RBMS1: variants seen among roughly 807,000 people sequenced by gnomAD.
The protein encoded by RBMS1 is RNA-binding motif, single-stranded-interacting protein 1.
In RBMS1, 17 loss-of-function variants were observed where a neutral mutation model predicts 62.3. That is an observed-to-expected ratio of 0.27 (90% CI 0.19 to 0.41). RBMS1 has a LOEUF of 0.41. Ranked by LOEUF, RBMS1 falls within the 10% of genes least tolerant of loss-of-function variation. The pLI, the probability that RBMS1 is intolerant of heterozygous loss-of-function variation, is 1.00. For missense variants in RBMS1, 334 were observed against 504.5 expected (o/e 0.66, Z 3.24); for synonymous variants, 172 against 170.0 (o/e 1.01, Z -0.09).
At chr2:160,408,792 G>C (rs572724487) in intron 1 of RBMS1, among the ~76,000 whole-genome samples, 71 of 152,306 alleles carry the variant, frequency 4.7e-4, no homozygotes, top group African/African-American at 1.5e-3. Flanking sequence ...CCTGTGCAGT[G>C]CAGAAGGCCT....
At chr2:160,388,062 T>TAGGA (rs1328769269) in intron 1 of RBMS1, among the ~76,000 whole-genome samples, 1 of 152,184 alleles carries the variant, frequency 6.6e-6, no homozygotes. Flanking sequence ...GCTGTTAGCT[T>TAGGA]TTCTGACGTC....
chr2:160,437,536 T>C (rs1683158726), intron 1 of RBMS1, among the ~76,000 whole-genome samples: 1 of 152,234 alleles, frequency 6.6e-6, no homozygotes, highest in African/African-American at 2.4e-5. Flanking sequence ...GAGTAACAGA[T>C]GTTAAAATAT....
intron 1 of RBMS1, among the ~76,000 whole-genome samples, chr2:160,465,402 C>T (rs1189606555): frequency 5.9e-5 from 9 of 152,166 alleles, no homozygotes; most frequent in Non-Finnish European, 1.3e-4. Flanking sequence ...TTGCTCCTGC[C>T]CAACTCAATC....
At chr2:160,465,512 TA>T (rs1684650786) in intron 1 of RBMS1, among the ~76,000 whole-genome samples, 1 of 152,148 alleles carries the variant, frequency 6.6e-6, no homozygotes, top group South Asian at 2.1e-4. Context: ...AAGTATCTCT[TA>T]CTCTCAGAGA....
chr2:160,327,641 A>G (rs897377314), intron 2 of RBMS1, among the ~76,000 whole-genome samples: 5 of 152,162 alleles, frequency 3.3e-5, no homozygotes, highest in African/African-American at 1.2e-4. Flanking sequence ...TCTTATGACA[A>G]TATTTTTACC....
intron 1 of RBMS1, among the ~76,000 whole-genome samples, chr2:160,384,026 T>A (rs1694434905): frequency 6.6e-6 from 1 of 152,072 alleles, no homozygotes; most frequent in Non-Finnish European, 1.5e-5. Flanking sequence ...TGAAACCCCG[T>A]CTCTACTAAA....
intron 7 of RBMS1, among the ~76,000 whole-genome samples, chr2:160,286,545 C>A (rs56029252): frequency 0.32 from 48,854 of 151,802 alleles, 8,121 homozygotes; most frequent in East Asian, 0.53. Context: ...ATCTCTAACT[C>A]CTGATCTCAG....
chr2:160,381,495 T>C (rs1469351550), intron 1 of RBMS1, among the ~76,000 whole-genome samples: 1 of 152,218 alleles, frequency 6.6e-6, no homozygotes, highest in African/African-American at 2.4e-5. Context: ...GGCATCAAGC[T>C]AAATGCATTC....
chr2:160,330,138 G>A (rs1691175109), intron 2 of RBMS1, among the ~76,000 whole-genome samples: 2 of 152,114 alleles, frequency 1.3e-5, no homozygotes, highest in Non-Finnish European at 2.9e-5. Context: ...GCTTAGGAAT[G>A]TTACATAATG....
At position 160,416,038 on chromosome 2, in the gene RBMS1, T is replaced by C. The variant is rs528282510; in HGVS notation, c.76-48647A>G. On this transcript the variant is annotated intron_variant, in intron 1 of 13. Transcript: ENST00000348849. ...AGTTAAGAGTACTGAAATAGGATAT[T>C]TAAGGAGTTTATAAAAATTCCCCAC... The C allele has an allele frequency of 2.7e-5, 4 of 150,596 alleles. No homozygotes were observed. In the South Asian group the frequency reaches 8.6e-4, roughly 32 times the overall value. The allele number at this position is 150,596 out of a possible 1,614,324, so 9.3% of individuals were successfully genotyped here. A position where few individuals can be genotyped will look rare whatever the true frequency, so the allele number is the denominator to read the frequency against.
chr2:160,345,825 G>A (rs1195497907), intron 2 of RBMS1, among the ~76,000 whole-genome samples: 1 of 152,108 alleles, frequency 6.6e-6, no homozygotes, highest in Non-Finnish European at 1.5e-5. Context: ...TGGGTGGTGA[G>A]TAGTGGGAAC....
intron 6 of RBMS1, among the ~76,000 whole-genome samples, chr2:160,298,305 G>A (rs981175669): frequency 1.3e-5 from 2 of 152,094 alleles, no homozygotes; most frequent in African/African-American, 4.8e-5. Context: ...TAGATGGGAA[G>A]TGAGGTAAGG....
At chr2:160,332,945 C>A (rs1379661496) in intron 2 of RBMS1, among the ~76,000 whole-genome samples, 2 of 151,316 alleles carry the variant, frequency 1.3e-5, no homozygotes, top group Non-Finnish European at 2.9e-5. Flanking sequence ...TTTATACAGA[C>A]ATACACATAC....
At chr2:160,287,241 A>T (rs1182835173) in intron 6 of RBMS1, among the ~76,000 whole-genome samples, 157 bp from the exon 7 acceptor site, 4 of 152,244 alleles carry the variant, frequency 2.6e-5, no homozygotes, top group African/African-American at 9.6e-5. Flanking sequence ...AAAACTGTCC[A>T]CGATGAAAAA....
intron 3 of RBMS1, among the ~76,000 whole-genome samples, chr2:160,316,734 A>T (rs1171717112): frequency 6.6e-6 from 1 of 152,094 alleles, no homozygotes; most frequent in East Asian, 1.9e-4. Context: ...TTTTTAACAC[A>T]CTGAGCCGAC....
intron 4 of RBMS1, among the ~76,000 whole-genome samples, chr2:160,311,232 C>CTATATCTATATATATA (rs1689865559): frequency 1.3e-5 from 1 of 79,252 alleles, no homozygotes; most frequent in African/African-American, 4.4e-5. Context: ...ATCTATCTAT[C>CTATATCTATATATATA]TATATATATA....
intron 1 of RBMS1, among the ~76,000 whole-genome samples, chr2:160,425,170 T>A (rs865919157): frequency 6.6e-6 from 1 of 152,186 alleles, no homozygotes; most frequent in South Asian, 2.1e-4. Flanking sequence ...AGCACTACTA[T>A]TTTTTATAAG....
intron 1 of RBMS1, among the ~76,000 whole-genome samples, chr2:160,417,982 C>T (rs780364189): frequency 2.0e-5 from 3 of 152,186 alleles, no homozygotes; most frequent in Non-Finnish European, 4.4e-5. Flanking sequence ...ACATCCATCA[C>T]AAAGGAACAA....
At chr2:160,378,595 C>T (rs1249961383) in intron 1 of RBMS1, among the ~76,000 whole-genome samples, 2 of 149,214 alleles carry the variant, frequency 1.3e-5, no homozygotes, top group East Asian at 4.0e-4. Context: ...TCAGCCTGGG[C>T]ACCAAAGTAA....
Sources: allele counts gnomAD v4.1 joint callset (sites outside exome capture counted in the v4.1 genomes callset), GRCh38; gene constraint gnomAD v4.1.1; transcripts MANE v1.5; gene names NCBI Gene and HGNC (gene_info 2026-07-23, HGNC 2026-07-21).